The following DAB1 variants were observed in gnomAD, a reference collection of about 807,000 sequenced individuals.
DAB1 encodes the protein DAB adaptor protein 1.
In DAB1, 15 loss-of-function variants were observed where a neutral mutation model predicts 64.6. That is an observed-to-expected ratio of 0.23 (90% CI 0.16 to 0.36). DAB1 has a LOEUF of 0.36. Among genes scored for constraint, DAB1 ranks in the 10% least tolerant of loss-of-function variants. DAB1 has a pLI of 1.00. For synonymous variants in DAB1, 235 were observed against 251.9 expected (o/e 0.93, Z 0.64); for missense variants, 596 against 706.7 (o/e 0.84, Z 1.78).
At chr1:58,190,746 G>T (rs1433350164) in intron 4 of DAB1, among the ~76,000 whole-genome samples, 1 of 152,232 alleles carries the variant, frequency 6.6e-6, no homozygotes, top group African/African-American at 2.4e-5. Context: ...GACACTGCCA[G>T]GAAACATCTT....
chr1:57,303,873 C>T (rs1673893967), intron 1 of DAB1, among the ~76,000 whole-genome samples: 2 of 152,080 alleles, frequency 1.3e-5, no homozygotes, highest in East Asian at 1.9e-4. Flanking sequence ...ACGGCTATTC[C>T]TAACTCCAGA....
chr1:57,751,834 T>TACTTAATAAATA (rs139378450), intron 6 of DAB1, among the ~76,000 whole-genome samples: 1 of 150,786 alleles, frequency 6.6e-6, no homozygotes, highest in Non-Finnish European at 1.5e-5. Context: ...ATTCTTTACT[T>TACTTAATAAATA]AATAAATAAA....
intron 6 of DAB1, among the ~76,000 whole-genome samples, chr1:57,788,576 C>T (rs1054221361): frequency 1.3e-5 from 2 of 152,102 alleles, no homozygotes; most frequent in African/African-American, 4.8e-5. Flanking sequence ...TTTGTGGTGA[C>T]AAAAGTTATT....
intron 5 of DAB1, among the ~76,000 whole-genome samples, chr1:58,049,716 T>C (rs1234460569): frequency 1.3e-5 from 2 of 152,096 alleles, no homozygotes; most frequent in Admixed American, 6.5e-5. Flanking sequence ...ATCTGAAAAA[T>C]AGAAATGATA....
intron 7 of DAB1, among the ~76,000 whole-genome samples, chr1:57,542,420 T>G: frequency 6.8e-6 from 1 of 146,650 alleles, no homozygotes. Context: ...GTTGGAGGGG[T>G]AGGAATTAAG....
At chr1:58,137,307 T>C (rs899233365) in intron 5 of DAB1, among the ~76,000 whole-genome samples, 7 of 152,216 alleles carry the variant, frequency 4.6e-5, no homozygotes, top group Admixed American at 3.3e-4. Flanking sequence ...CACAGTAAAG[T>C]AACCACAAAA....
chr1:58,427,136 G>A (rs1644829099), intron 3 of DAB1, among the ~76,000 whole-genome samples: 1 of 152,100 alleles, frequency 6.6e-6, no homozygotes, highest in African/African-American at 2.4e-5. Context: ...AGGTACTGTG[G>A]ATTGGAGGCA....
Position 58,489,142 on chromosome 1 carries a change from G to A in DAB1, n.257+16918C>T, listed in dbSNP as rs543515750. 2.5e-4 allele frequency among the ~76,000 whole-genome samples: 38 copies of A among 152,334 alleles called. No homozygotes were observed. In the South Asian group the frequency reaches 5.0e-3, roughly 20 times the overall value. ...CCGAGCGTGAGCCGAAGTAGGGCAA[G>A]GCATCGTGTCACCCGGGAAGTGCAA... On this transcript the variant is annotated intron_variant and non_coding_transcript_variant, in intron 3 of 20. Coordinates refer to the DAB1 transcript ENST00000485760.
intron 3 of DAB1, among the ~76,000 whole-genome samples, chr1:58,499,466 CA>C (rs1367337763): frequency 2.4e-5 from 2 of 82,862 alleles, no homozygotes; most frequent in East Asian, 3.5e-4. Flanking sequence ...GCCTAGGGAA[CA>C]AAGCCAGACT....
At chr1:58,124,192 T>TTATA (rs112316442) in intron 5 of DAB1, among the ~76,000 whole-genome samples, 11 of 148,682 alleles carry the variant, frequency 7.4e-5, no homozygotes, top group African/African-American at 2.7e-4. Flanking sequence ...TATTCTTAGA[T>TTATA]TATATATATA....
chr1:58,163,280 T>A (rs893184712), intron 4 of DAB1, among the ~76,000 whole-genome samples: 8 of 152,142 alleles, frequency 5.3e-5, no homozygotes, highest in African/African-American at 9.7e-5. Context: ...GGCACAAACA[T>A]TGCAGGTCCG....
chr1:58,015,305 C>G (rs1040745708), intron 5 of DAB1, among the ~76,000 whole-genome samples: 9 of 151,958 alleles, frequency 5.9e-5, no homozygotes, highest in African/African-American at 1.9e-4. Flanking sequence ...CACCTCCAAC[C>G]CTTTAACTCC....
intron 2 of DAB1, among the ~76,000 whole-genome samples, chr1:57,224,425 T>A (rs1174586497): frequency 6.6e-6 from 1 of 152,162 alleles, no homozygotes. Context: ...TCAGCCTATC[T>A]CTCATCCCAC....
chr1:58,436,142 C>T (rs774834552), intron 3 of DAB1, among the ~76,000 whole-genome samples: 4 of 152,176 alleles, frequency 2.6e-5, no homozygotes, highest in Non-Finnish European at 2.9e-5. Context: ...GCTCTGTGAT[C>T]GCAGGCAAGT....
At chr1:57,715,915 TTTTTC>T (rs1301439833) in intron 6 of DAB1, among the ~76,000 whole-genome samples, 1 of 152,184 alleles carries the variant, frequency 6.6e-6, no homozygotes, top group Admixed American at 6.5e-5. Flanking sequence ...TGACATTCTT[TTTTTC>T]TTTTCTTTTC....
chr1:58,349,037 C>T (rs529027296), intron 3 of DAB1, among the ~76,000 whole-genome samples: 5 of 152,304 alleles, frequency 3.3e-5, no homozygotes, highest in Non-Finnish European at 5.9e-5. Flanking sequence ...CGCCTGCTGT[C>T]CCATCCCCAC....
Position 58,386,834 on chromosome 1 carries a change from T to C in DAB1, n.258-43431A>G, listed in dbSNP as rs112287026. 4.2e-3 allele frequency among the ~76,000 whole-genome samples: 637 copies of C among 152,178 alleles called. 3 individuals are homozygous for C. The highest frequency in any genetic ancestry group is 0.015 in the African/African-American group (606 of 41,514). ...CAGAACTTTGGGAGGCCGAGGCAGG[T>C]GGATGACCTGAGGTCAAGAGTTCAA... On this transcript the variant is annotated intron_variant and non_coding_transcript_variant, in intron 3 of 20. Transcript: ENST00000485760.
chr1:58,248,042 C>A (rs1048483124), intron 4 of DAB1, among the ~76,000 whole-genome samples: 2 of 151,756 alleles, frequency 1.3e-5, no homozygotes, highest in Non-Finnish European at 2.9e-5. Context: ...AGAATCTGAT[C>A]GACAAATGTG....
intron 5 of DAB1, among the ~76,000 whole-genome samples, chr1:57,996,109 A>T (rs1646420964): frequency 6.6e-6 from 1 of 152,070 alleles, no homozygotes; most frequent in Non-Finnish European, 1.5e-5. Context: ...AAATACAAAA[A>T]TTAGCTAGGC....
Sources: gnomAD v4.1 joint callset for allele counts (sites outside exome capture counted in the v4.1 genomes callset) on GRCh38, gnomAD v4.1.1 for gene constraint, MANE v1.5 for transcripts, NCBI Gene and HGNC (gene_info 2026-07-23, HGNC 2026-07-21) for gene names.